SYNE1: variants seen among roughly 807,000 people sequenced by gnomAD.
SYNE1 encodes the protein nesprin-1.
In SYNE1, 616 loss-of-function variants were observed where a neutral mutation model predicts 1,111.0. That is an observed-to-expected ratio of 0.55 (90% CI 0.52 to 0.59). The LOEUF (loss-of-function observed/expected upper bound fraction) is 0.59, where lower values mean the gene tolerates loss of function less well. SYNE1 is among the 20% of genes least tolerant of loss of function. The pLI is 0.00. For synonymous variants in SYNE1, 3,855 were observed against 3,825.8 expected (o/e 1.01, Z -0.28); for missense variants, 10,006 against 10,417.0 (o/e 0.96, Z 1.72).
Position 152,455,436 on chromosome 6 carries a change from C to T in SYNE1, c.2882G>A (p.Arg961Gln), listed in dbSNP as rs76646638. The T allele has an allele frequency of 1.3e-3, 2,144 of 1,613,946 alleles. 6 individuals are homozygous for T. The highest frequency in any genetic ancestry group is 8.1e-3 in the African/African-American group (608 of 75,012). ...EEKGDPEELL[R>Q]RHTEFFSQLD... ...AAAGGGTGGACTCACAGTGTGTCTC[C>T]GCAGGAGCTCCTCTGGATCCCCCTT... The change falls in exon 24 of 146, where the codon CGG (arginine) becomes CAG (glutamine). Residue 961 changes from arginine (R) to glutamine (Q), a missense_variant. Coordinates refer to ENST00000367255, the MANE Select transcript of SYNE1 (RefSeq NM_182961.4).
At position 152,409,713 on chromosome 6, in the gene SYNE1, T is replaced by C; in HGVS notation, c.6231-4A>G. On this transcript the variant is annotated splice_region_variant and splice_polypyrimidine_tract_variant and intron_variant, in intron 42 of 145. Transcript: ENST00000367255. ...AAGTCCACAGCACTGACCCTGACTG[T>C]AATGATTAAAGAAAATATATTATTT... 1 of 1,613,336 alleles carries C rather than the reference T, an allele frequency of 6.2e-7. No individual in the cohort carries two copies. Among genetic ancestry groups the C allele is most frequent in the East Asian group, 2.2e-5 (1 of 44,806 alleles).
At chr6:152,255,900 C>T (rs543006529) in intron 102 of SYNE1, among the ~76,000 whole-genome samples, 154 bp from the exon 103 acceptor site, 2 of 152,310 alleles carry the variant, frequency 1.3e-5, no homozygotes, top group Admixed American at 6.5e-5. Context: ...GAGTTCAAGA[C>T]TGGCCTGGCC....
chr6:152,601,663 C>T (rs1351470281), intron 3 of SYNE1, among the ~76,000 whole-genome samples: 4 of 152,136 alleles, frequency 2.6e-5, no homozygotes, highest in African/African-American at 9.7e-5. Context: ...ACACGACAAA[C>T]CATCATTGAA....
At chr6:152,368,153 C>T (rs1269087479) in intron 61 of SYNE1, 1 of 152,604 alleles carries the variant, frequency 6.6e-6, no homozygotes, top group Non-Finnish European at 1.5e-5. Context: ...TCTGTAAATG[C>T]ACACTTACAG....
intron 98 of SYNE1, among the ~76,000 whole-genome samples, chr6:152,271,076 TG>T (rs1485710984): frequency 6.6e-6 from 1 of 152,196 alleles, no homozygotes; most frequent in Non-Finnish European, 1.5e-5. Flanking sequence ...CGCCTGCCCC[TG>T]GTTGTTCTTT....
chr6:152,311,587 A>C (rs1429228623), intron 87 of SYNE1, among the ~76,000 whole-genome samples: 2 of 152,170 alleles, frequency 1.3e-5, no homozygotes. Context: ...GAAGAATCAC[A>C]TCTGAGCCCA....
intron 48 of SYNE1, 122 bp from the exon 49 acceptor site, chr6:152,398,853 T>G: frequency 1.5e-6 from 1 of 673,684 alleles, no homozygotes; most frequent in Non-Finnish European, 2.6e-6. Context: ...CCTCTTGCCT[T>G]ACAAAATATT....
At chr6:152,543,296 C>T (rs547904746) in intron 3 of SYNE1, among the ~76,000 whole-genome samples, 3 of 152,188 alleles carry the variant, frequency 2.0e-5, no homozygotes, top group African/African-American at 7.2e-5. Context: ...CTACAATTCA[C>T]TTTTTGTATT....
At chr6:152,350,553 G>A (rs984354977) in intron 71 of SYNE1, 65 bp downstream of exon 71, 66 of 1,601,052 alleles carry the variant, frequency 4.1e-5, no homozygotes, top group Non-Finnish European at 5.3e-5. Flanking sequence ...ATGACAGAGA[G>A]AAAGGAGTCA....
At chr6:152,222,815 G>A (rs189427488) in intron 117 of SYNE1, among the ~76,000 whole-genome samples, 115 of 152,272 alleles carry the variant, frequency 7.6e-4, no homozygotes, top group African/African-American at 2.5e-3. Context: ...GTGATCCACC[G>A]TACAGAATGG....
chr6:152,207,366 T>C (rs544642922), intron 125 of SYNE1, among the ~76,000 whole-genome samples: 27 of 152,222 alleles, frequency 1.8e-4, no homozygotes, highest in African/African-American at 5.8e-4. Context: ...GACCAGAAGA[T>C]ATGAATATGC....
intron 76 of SYNE1, 131 bp from the exon 77 acceptor site, chr6:152,334,404 A>T: frequency 9.7e-7 from 1 of 1,026,966 alleles, no homozygotes; most frequent in Non-Finnish European, 1.4e-6. Context: ...AGAATGTATA[A>T]TAAGTTATGG....
chr6:152,256,892 T>C (rs999446982), intron 101 of SYNE1, 127 bp from the exon 102 acceptor site: 2 of 1,409,816 alleles, frequency 1.4e-6, no homozygotes, highest in Non-Finnish European at 2.0e-6. Context: ...TAGAGAAATA[T>C]AACTTCTACA....
intron 31 of SYNE1, 121 bp from the exon 32 acceptor site, chr6:152,441,391 CAATG>C: frequency 9.7e-7 from 1 of 1,036,208 alleles, no homozygotes; most frequent in Non-Finnish European, 1.4e-6. Context: ...CACACAGTCA[CAATG>C]AATAGAGATG....
Position 152,319,017 on chromosome 6 carries a change from T to TA in SYNE1, c.16237-3dup, listed in dbSNP as rs752661566. ...AACTTCTTTTATTTTGTCTTGGATC[T>TA]AAAAAAATCAGTAAGAACAGCAAAA... On this transcript the variant is annotated splice_polypyrimidine_tract_variant and splice_region_variant and intron_variant, in intron 84 of 145. Transcript: ENST00000367255. 14 of 1,613,844 alleles carry TA rather than the reference T, an allele frequency of 8.7e-6. No homozygotes were observed. The highest frequency in any genetic ancestry group is 4.5e-5 in the East Asian group (2 of 44,892).
intron 140 of SYNE1, among the ~76,000 whole-genome samples, chr6:152,139,568 CAA>C (rs774081107): frequency 8.7e-4 from 38 of 43,930 alleles, no homozygotes; most frequent in Non-Finnish European, 9.6e-4. Context: ...GAGACTCCAT[CAA>C]AAAAAAAAAA....
Position 152,484,038 on chromosome 6 carries a change from C to CAAAAAAAAAAAAA in SYNE1, c.1185+784_1186-790dup, listed in dbSNP as rs773019397. 7.6e-3 allele frequency among the ~76,000 whole-genome samples: 404 copies of CAAAAAAAAAAAAA among 53,468 alleles called. 26 individuals are homozygous for CAAAAAAAAAAAAA. Among genetic ancestry groups the CAAAAAAAAAAAAA allele is most frequent in the Middle Eastern group, 0.015 (1 of 68 alleles). The allele number at this position is 53,468 out of a possible 152,430, so 35.1% of individuals were successfully genotyped here. On this transcript the variant is annotated intron_variant, in intron 13 of 145. Coordinates refer to ENST00000367255, the MANE Select transcript of SYNE1 (RefSeq NM_182961.4). ...GCAATATAGTGAGATCTCATCTCTA[C>CAAAAAAAAAAAAA]AAAAAAAAAAAAAAAAAAAAAAAAT...
intron 108 of SYNE1, among the ~76,000 whole-genome samples, chr6:152,238,821 G>A (rs1442358845): frequency 6.6e-6 from 1 of 152,044 alleles, no homozygotes; most frequent in African/African-American, 2.4e-5. Context: ...TAGCTTGCCA[G>A]TAGCCACCAC....
At chr6:152,611,780 A>G (rs2099631987) in intron 3 of SYNE1, among the ~76,000 whole-genome samples, 2 of 152,288 alleles carry the variant, frequency 1.3e-5, no homozygotes, top group South Asian at 4.1e-4. Flanking sequence ...AAAAGAAGAG[A>G]AATCACAACA....
Sources: gnomAD v4.1 joint callset for allele counts (sites outside exome capture counted in the v4.1 genomes callset) on GRCh38, gnomAD v4.1.1 for gene constraint, MANE v1.5 for transcripts, NCBI Gene and HGNC (gene_info 2026-07-23, HGNC 2026-07-21) for gene names.